KDELR3: variants seen among roughly 807,000 people sequenced by gnomAD.
The protein encoded by KDELR3 is KDEL endoplasmic reticulum protein retention receptor 3, also known as ER lumen protein-retaining receptor 3.
Under a neutral mutation model 22.7 loss-of-function variants are expected in KDELR3, and 26 were observed. The observed-to-expected ratio is 1.15, with a 90% CI of 0.84 to 1.59. The LOEUF (loss-of-function observed/expected upper bound fraction) is 1.59, where lower values mean the gene tolerates loss of function less well. KDELR3 is among the 40% of genes most tolerant of loss of function. KDELR3 has a pLI of 0.00. For missense variants in KDELR3, 289 were observed against 251.1 expected (o/e 1.15, Z -1.02); for synonymous variants, 120 against 98.2 (o/e 1.22, Z -1.31).
At position 38,473,455 on chromosome 22, in the gene KDELR3, T is replaced by G. The variant is rs575472899; in HGVS notation, c.92-1068T>G. Among the ~76,000 whole-genome samples the G allele has an allele frequency of 2.4e-4, 25 of 105,970 alleles. No individual in the cohort carries two copies. The Admixed American group carries it at 2.6e-3, about 11-fold the overall frequency. 69.5% of individuals were successfully genotyped at this position (105,970 alleles called of 152,430 possible). A position where few individuals can be genotyped will look rare whatever the true frequency, so the allele number is the denominator to read the frequency against. On this transcript the variant is annotated intron_variant, in intron 1 of 4. Coordinates refer to ENST00000216014, the MANE Select transcript of KDELR3 (RefSeq NM_006855.4). Reference sequence around the variant, plus strand: ...GACCCTTTCTCTAAAAAGAAAAAAATAAAAAAGAAAGAAACATCATGGAGA... The same window carrying G: ...GACCCTTTCTCTAAAAAGAAAAAAAGAAAAAAGAAAGAAACATCATGGAGA...
chr22:38,474,670 C>T (rs2145965342), intron 2 of KDELR3, 47 bp downstream of exon 2: 1 of 1,488,656 alleles, frequency 6.7e-7, no homozygotes, highest in Non-Finnish European at 9.4e-7. Context: ...CAAGCCCCCA[C>T]AAACTGTGAG....
At chr22:38,478,768 A>C (rs1290644591) in intron 2 of KDELR3, among the ~76,000 whole-genome samples, 1 of 145,356 alleles carries the variant, frequency 6.9e-6, no homozygotes, top group African/African-American at 2.6e-5. Flanking sequence ...TCAGCCTCCC[A>C]GGTAGCTGGG....
At chr22:38,480,306 G>A (rs1318211673) in intron 3 of KDELR3, among the ~76,000 whole-genome samples, 1 of 151,922 alleles carries the variant, frequency 6.6e-6, no homozygotes, top group East Asian at 1.9e-4. Flanking sequence ...ACCACACTCA[G>A]CTAATTTTTG....
At chr22:38,476,439 C>T (rs1382026334) in intron 2 of KDELR3, among the ~76,000 whole-genome samples, 1 of 152,114 alleles carries the variant, frequency 6.6e-6, no homozygotes, top group Non-Finnish European at 1.5e-5. Context: ...AGGATGGTCT[C>T]GATCTCCTGA....
chr22:38,475,685 A>C (rs959768753), intron 2 of KDELR3, among the ~76,000 whole-genome samples: 1 of 151,626 alleles, frequency 6.6e-6, no homozygotes, highest in African/African-American at 2.4e-5. Context: ...GGAGTGCAGC[A>C]GCGCAATCTC....
intron 2 of KDELR3, among the ~76,000 whole-genome samples, chr22:38,477,368 C>G (rs1368593668): frequency 6.6e-6 from 1 of 151,460 alleles, no homozygotes; most frequent in Non-Finnish European, 1.5e-5. Flanking sequence ...CCATGCCTGG[C>G]TAATTTTTGT....
intron 4 of KDELR3, among the ~76,000 whole-genome samples, chr22:38,482,125 G>A (rs2089607814): frequency 6.6e-6 from 1 of 152,174 alleles, no homozygotes; most frequent in East Asian, 1.9e-4. Flanking sequence ...GCTATGTAGG[G>A]TAGAAAGCAG....
intron 1 of KDELR3, among the ~76,000 whole-genome samples, chr22:38,471,468 G>A (rs896296793): frequency 9.2e-5 from 14 of 152,294 alleles, no homozygotes; most frequent in African/African-American, 2.9e-4. Flanking sequence ...CCCTCACCCC[G>A]GCTAGTGCAC....
intron 1 of KDELR3, among the ~76,000 whole-genome samples, chr22:38,469,226 C>A (rs2089508519): frequency 6.6e-6 from 1 of 152,170 alleles, no homozygotes; most frequent in South Asian, 2.1e-4. Context: ...ATGGAGGTCA[C>A]CAAGCACCGG....
intron 1 of KDELR3, among the ~76,000 whole-genome samples, chr22:38,468,888 T>G (rs868671587): frequency 6.6e-6 from 1 of 152,154 alleles, no homozygotes; most frequent in African/African-American, 2.4e-5. Context: ...GGGTCCCCTG[T>G]TTGCATTCTG....
intron 1 of KDELR3, among the ~76,000 whole-genome samples, chr22:38,470,225 G>T (rs757822413): frequency 6.6e-6 from 1 of 151,634 alleles, no homozygotes; most frequent in East Asian, 1.9e-4. Context: ...CCAGGTTCAA[G>T]CTATTCTCCT....
At position 38,482,630 on chromosome 22, in the gene KDELR3, T is replaced by C. The variant is rs2089612630; in HGVS notation, c.*94T>C. The C allele has an allele frequency of 6.0e-6, 7 of 1,168,634 alleles. No homozygotes were observed. Among genetic ancestry groups the C allele is most frequent in the Middle Eastern group, 2.0e-4 (1 of 5,102 alleles). 72.4% of individuals were successfully genotyped at this position (1,168,634 alleles called of 1,614,324 possible). ...AACTTATCCATAATTTGGGATCAAA[T>C]GTTAAAACCAGAAAAGTGTTTAGTG... On this transcript the variant is annotated 3_prime_UTR_variant, in exon 5 of 5. Transcript: ENST00000216014.
chr22:38,479,741 C>T lies in KDELR3; in HGVS notation c.341C>T (p.Thr114Ile). The T allele has an allele frequency of 6.2e-7, 1 of 1,614,154 alleles. No individual in the cohort carries two copies. Among genetic ancestry groups the T allele is most frequent in the South Asian group, 1.1e-5 (1 of 91,088 alleles). Residue 114 changes from threonine (T) to isoleucine (I), a missense_variant, in exon 3 of 5, where the codon ACT becomes ATT. Physicochemically the swap from Thr to Ile is moderately conservative, Grantham distance 89. Transcript: ENST00000216014. ...TCCTTCCTTGAAAACTACAGTTTCA[C>T]TCTGCTGGAGGTAAGGGAATGGACT... ...GLSFLENYSF[T>I]LLEILWTFSI...
chr22:38,480,708 G>T (rs1291197636), intron 3 of KDELR3, among the ~76,000 whole-genome samples: 1 of 151,864 alleles, frequency 6.6e-6, no homozygotes, highest in Non-Finnish European at 1.5e-5. Flanking sequence ...AGCCGAGATC[G>T]CACCACTGCA....
rs2089545117 is a variant in KDELR3, at chr22:38,474,523, G to A, written c.92G>A (p.Gly31Asp). The change falls in exon 2 of 5, where the codon GGC becomes GAC. Residue 31 changes from glycine (G) to aspartate (D), a missense_variant and splice_region_variant. Transcript: ENST00000216014. ...GKIWRSKCCK[G>D]ISGKSQILFA... ...GTCTCCTGTCTACCCTTGGCCACAG[G>A]CATCTCTGGGAAGAGCCAGATCCTG... is the stretch of plus-strand genomic sequence containing the variant. The A allele has an allele frequency of 3.7e-6, 6 of 1,613,328 alleles. No individual in the cohort carries two copies. Among genetic ancestry groups the A allele is most frequent in the East Asian group, 2.2e-5 (1 of 44,848 alleles).
chr22:38,474,442 G>A (rs12170919), intron 1 of KDELR3, 81 bp from the exon 2 acceptor site: 7 of 1,137,174 alleles, frequency 6.2e-6, no homozygotes, highest in African/African-American at 1.5e-5. Flanking sequence ...GGCCTCCCCA[G>A]CTCCAGGCTG....
rs778842049 is a variant in KDELR3, at chr22:38,468,328, A to AG, written c.91+8dup. On this transcript the variant is annotated splice_donor_region_variant and intron_variant, in intron 1 of 4. Coordinates refer to ENST00000216014, the MANE Select transcript of KDELR3 (RefSeq NM_006855.4). ...TGGAGGTCCAAGTGCTGCAAGGGTGAGGGGCGCCTGGCAGGGAGGTGCGGG... is the reference window on the plus strand; with the variant it reads ...TGGAGGTCCAAGTGCTGCAAGGGTGAGGGGGCGCCTGGCAGGGAGGTGCGGG... 2 of 1,612,920 alleles carry AG rather than the reference A, an allele frequency of 1.2e-6. No individual in the cohort carries two copies. Among genetic ancestry groups the AG allele is most frequent in the Non-Finnish European group, 1.7e-6 (2 of 1,179,554 alleles).
chr22:38,474,255 C>T (rs745995906), intron 1 of KDELR3: 6 of 341,742 alleles, frequency 1.8e-5, no homozygotes, highest in South Asian at 3.6e-5. Flanking sequence ...GGCAGGCACA[C>T]GCAGGGGGAC....
Position 38,474,958 on chromosome 22 carries a change from C to T in KDELR3, c.192+335C>T, listed in dbSNP as rs372230279. Reference sequence around the variant, plus strand: ...AGCCGGGCGTGGTGGCTCATGCCTGCAGTCCCAGCTACTCAGGAGGCTGAG... The same window carrying T: ...AGCCGGGCGTGGTGGCTCATGCCTGTAGTCCCAGCTACTCAGGAGGCTGAG... On this transcript the variant is annotated intron_variant, in intron 2 of 4. Transcript: ENST00000216014. 3.4e-4 allele frequency among the ~76,000 whole-genome samples: 51 copies of T among 151,438 alleles called. No homozygotes were observed. In the East Asian group the frequency reaches 7.8e-3, roughly 23 times the overall value.
Sources: allele counts gnomAD v4.1 joint callset (sites outside exome capture counted in the v4.1 genomes callset), GRCh38; gene constraint gnomAD v4.1.1; transcripts MANE v1.5; gene names NCBI Gene and HGNC (gene_info 2026-07-23, HGNC 2026-07-21).